Variants in EPHB2 observed in about 807,000 individuals in gnomAD.
The protein encoded by EPHB2 is ephrin type-B receptor 2.
In EPHB2, 18 loss-of-function variants were observed where a neutral mutation model predicts 96.4. The observed-to-expected ratio is 0.19, with a 90% CI of 0.13 to 0.28. EPHB2 has a LOEUF of 0.28. Ranked by LOEUF, EPHB2 falls within the 10% of genes least tolerant of loss-of-function variation. The pLI is 1.00. For missense variants in EPHB2, 989 were observed against 1,355.4 expected (o/e 0.73, Z 4.25); for synonymous variants, 506 against 534.1 (o/e 0.95, Z 0.72).
chr1:22,711,887 G>A (rs944613893), intron 1 of EPHB2, among the ~76,000 whole-genome samples: 6 of 152,228 alleles, frequency 3.9e-5, no homozygotes, highest in Non-Finnish European at 2.9e-5. Context: ...GGGGGGCAAG[G>A]GTAGTTGCTA....
intron 3 of EPHB2, among the ~76,000 whole-genome samples, chr1:22,853,714 T>C (rs931520400): frequency 6.6e-6 from 1 of 152,244 alleles, no homozygotes; most frequent in African/African-American, 2.4e-5. Context: ...TGGCAGTGCC[T>C]GCGGTGGCTG....
intron 1 of EPHB2, among the ~76,000 whole-genome samples, chr1:22,752,506 A>G (rs1644079047): frequency 6.7e-6 from 1 of 150,316 alleles, no homozygotes; most frequent in African/African-American, 2.4e-5. Context: ...ATAAAATATA[A>G]TAATAAAATA....
intron 1 of EPHB2, among the ~76,000 whole-genome samples, chr1:22,767,058 G>A (rs1644317193): frequency 6.6e-6 from 1 of 152,350 alleles, no homozygotes; most frequent in Non-Finnish European, 1.5e-5. Context: ...CTTAGCACAA[G>A]GCCATCTGAC....
At chr1:22,768,239 G>C (rs1390793039) in intron 1 of EPHB2, among the ~76,000 whole-genome samples, 1 of 152,180 alleles carries the variant, frequency 6.6e-6, no homozygotes, top group Non-Finnish European at 1.5e-5. Flanking sequence ...GTGTGGCCTG[G>C]AGAAGCCCTC....
chr1:22,891,807 T>C (rs967975078), intron 6 of EPHB2, among the ~76,000 whole-genome samples: 15 of 148,508 alleles, frequency 1.0e-4, no homozygotes, highest in African/African-American at 3.2e-4. Flanking sequence ...TGTTGTTGTA[T>C]TTTTTTAGAT....
intron 1 of EPHB2, among the ~76,000 whole-genome samples, chr1:22,738,227 C>T (rs1643866814): frequency 6.6e-6 from 1 of 152,224 alleles, no homozygotes; most frequent in African/African-American, 2.4e-5. Context: ...GTTTCTCTTC[C>T]TCTTTTTCCT....
intron 1 of EPHB2, among the ~76,000 whole-genome samples, chr1:22,772,097 C>T (rs1644387178): frequency 6.6e-6 from 1 of 152,020 alleles, no homozygotes. Context: ...CCCAGACCCC[C>T]ATCCATCATC....
At chr1:22,864,730 GAAACATTTCTCT>G (rs1638406782) in intron 4 of EPHB2, 135 bp from the exon 5 acceptor site, 1 of 606,492 alleles carries the variant, frequency 1.6e-6, no homozygotes, top group East Asian at 2.8e-5. Flanking sequence ...TTGTATTCTA[GAAACATTTCTCT>G]GGTGGGGAGA....
chr1:22,756,847 C>T (rs891580826), intron 1 of EPHB2, among the ~76,000 whole-genome samples: 13 of 152,140 alleles, frequency 8.5e-5, no homozygotes, highest in African/African-American at 2.2e-4. Flanking sequence ...CTTCTGTACC[C>T]GGGTCAGAAG....
At chr1:22,843,505 C>T (rs11581239) in intron 3 of EPHB2, among the ~76,000 whole-genome samples, 74,798 of 151,896 alleles carry the variant, frequency 0.49, 18,650 homozygotes, top group Middle Eastern at 0.58. Context: ...CCACCCTCCA[C>T]CCTCAAGTAG....
At chr1:22,839,962 T>A (rs974249822) in intron 3 of EPHB2, among the ~76,000 whole-genome samples, 5 of 152,188 alleles carry the variant, frequency 3.3e-5, no homozygotes, top group African/African-American at 1.2e-4. Flanking sequence ...GGAGCCCGGA[T>A]AGGGCAGGGA....
chr1:22,784,052 A>G lies in EPHB2; in HGVS notation c.127-340A>G, dbSNP rs996718340. The stretch of plus-strand genomic sequence containing the variant: ...CCCCCACAACCACAAAGCTATGTCT[A>G]CTTTCATCAGAAGGAGCTCCCTAAG... On this transcript the variant is annotated intron_variant, in intron 2 of 15. Coordinates refer to ENST00000374630, the MANE Select transcript of EPHB2 (RefSeq NM_017449.5). This position sits in a 1 kb window ranked among gnomAD's most constrained non-coding sequence, Gnocchi z 5.1. Among the ~76,000 whole-genome samples the G allele has an allele frequency of 1.3e-5, 2 of 152,146 alleles. No homozygotes were observed. The highest frequency in any genetic ancestry group is 2.1e-4 in the South Asian group (1 of 4,824).
chr1:22,869,299 G>C (rs1269237527), intron 5 of EPHB2, among the ~76,000 whole-genome samples: 1 of 151,776 alleles, frequency 6.6e-6, no homozygotes, highest in Non-Finnish European at 1.5e-5. Context: ...AGGACCATGT[G>C]ACTCCAAGTC....
chr1:22,744,812 C>A (rs1463684663), intron 1 of EPHB2, among the ~76,000 whole-genome samples: 1 of 149,874 alleles, frequency 6.7e-6, no homozygotes. Context: ...ATGATCATGC[C>A]ACAGCACTAC....
At chr1:22,812,890 A>T (rs1570323906) in intron 3 of EPHB2, among the ~76,000 whole-genome samples, 1 of 152,184 alleles carries the variant, frequency 6.6e-6, no homozygotes, top group East Asian at 1.9e-4. Context: ...ATGGACTGAC[A>T]GACAGGTAAA....
chr1:22,887,253 T>C (rs1301286076), intron 6 of EPHB2, among the ~76,000 whole-genome samples: 1 of 152,132 alleles, frequency 6.6e-6, no homozygotes, highest in African/African-American at 2.4e-5. Flanking sequence ...CAGACAAGTC[T>C]GTGATATGCC....
At chr1:22,845,041 G>A (rs1055963626) in intron 3 of EPHB2, among the ~76,000 whole-genome samples, 5 of 152,236 alleles carry the variant, frequency 3.3e-5, no homozygotes, top group African/African-American at 1.2e-4. Context: ...TCAGGATGTT[G>A]CGATGAGAGC....
Position 22,730,468 on chromosome 1 carries a change from T to C in EPHB2, c.61+19425T>C, listed in dbSNP as rs188354597. Among the ~76,000 whole-genome samples, 3 of 152,250 alleles carry C rather than the reference T, an allele frequency of 2.0e-5. No homozygotes were observed. In the East Asian group the frequency reaches 5.8e-4, roughly 29 times the overall value. ...CTGCCCTATGGAGGTTTTATTCTAA[T>C]GGACAGGACTGATGCCAGATATCTA... On this transcript the variant is annotated intron_variant, in intron 1 of 15. Coordinates refer to ENST00000374630, the MANE Select transcript of EPHB2 (RefSeq NM_017449.5).
At chr1:22,762,049 C>T (rs994675930) in intron 1 of EPHB2, among the ~76,000 whole-genome samples, 5 of 152,232 alleles carry the variant, frequency 3.3e-5, no homozygotes, top group African/African-American at 4.8e-5. Context: ...ATTGGGATTC[C>T]GAGCGGGGCT....
Sources: allele counts gnomAD v4.1 joint callset (sites outside exome capture counted in the v4.1 genomes callset), GRCh38; gene constraint gnomAD v4.1.1; non-coding constraint Gnocchi (gnomAD v3.1); transcripts MANE v1.5; gene names NCBI Gene and HGNC (gene_info 2026-07-23, HGNC 2026-07-21).